The following GABRA3 variants were observed in gnomAD, a reference collection of about 807,000 sequenced individuals.
GABRA3 encodes gamma-aminobutyric acid receptor subunit alpha-3.
Under a neutral mutation model 30.1 loss-of-function variants are expected in GABRA3, and 10 were observed. The ratio of observed to expected loss-of-function variants is 0.33; its 90% CI spans 0.20 to 0.56. The LOEUF is 0.56. GABRA3 is among the 20% of genes least tolerant of loss of function. GABRA3 has a pLI of 0.89. For missense variants in GABRA3, 233 were observed against 392.0 expected, an observed-to-expected ratio of 0.59 and a Z score of 3.42; for synonymous variants, 151 against 146.8, an observed-to-expected ratio of 1.03 and a Z score of -0.21.
chrX:152,214,469 G>C (rs1203177520), intron 6 of GABRA3, among the ~76,000 whole-genome samples: 1 of 111,198 alleles, frequency 9.0e-6, no homozygotes, highest in Admixed American at 9.6e-5. Flanking sequence ...ATGCTGTTTT[G>C]GTTACTATAG....
In GABRA3 at chrX:152,441,011, TAAA is replaced by T. The variant is rs3042367; in HGVS notation, c.-27+10132_-27+10134del. Among the ~76,000 whole-genome samples, 206 of 97,507 alleles carry T rather than the reference TAAA, an allele frequency of 2.1e-3. 2 individuals carry two copies. Among genetic ancestry groups the T allele is most frequent in the African/African-American group, 2.9e-3 (76 of 25,940 alleles). 84.7% of individuals were successfully genotyped at this position (97,507 alleles called of 115,157 possible). A position where few individuals can be genotyped will look rare whatever the true frequency, so the allele number is the denominator to read the frequency against. ...CATGTACCTCAGACTTATAGTATAATAAAAAAAAAAAAAAGAAAAGAAAAAGAA... is the reference window on the plus strand; with the variant it reads ...CATGTACCTCAGACTTATAGTATAATAAAAAAAAAAAGAAAAGAAAAAGAA... On this transcript the variant is annotated intron_variant, in intron 1 of 9. Transcript: ENST00000370314.
intron 9 of GABRA3, among the ~76,000 whole-genome samples, chrX:152,180,563 G>A: frequency 8.9e-6 from 1 of 111,957 alleles, no homozygotes; most frequent in Non-Finnish European, 1.9e-5. Context: ...AATCCCATTT[G>A]TCTATTTGTA....
intron 4 of GABRA3, among the ~76,000 whole-genome samples, chrX:152,280,247 G>A (rs1939175188): frequency 9.0e-6 from 1 of 110,892 alleles, no homozygotes; most frequent in South Asian, 3.8e-4. Flanking sequence ...GAGATTCCTG[G>A]TCATAGACTC....
At chrX:152,290,848 C>G (rs907915915) in intron 3 of GABRA3, among the ~76,000 whole-genome samples, 3 of 111,340 alleles carry the variant, frequency 2.7e-5, no homozygotes, top group East Asian at 5.7e-4. Flanking sequence ...ATTTCTAAGG[C>G]CTCTGTTCTG....
At chrX:152,343,447 C>CAAA (rs201238204) in intron 3 of GABRA3, among the ~76,000 whole-genome samples, 141 of 89,007 alleles carry the variant, frequency 1.6e-3, no homozygotes, top group African/African-American at 4.0e-3. Context: ...ACCTCAAATC[C>CAAA]AAAAAAAAAA....
chrX:152,432,418 T>C (rs925614621), intron 1 of GABRA3, among the ~76,000 whole-genome samples: 1 of 110,248 alleles, frequency 9.1e-6, no homozygotes, highest in African/African-American at 3.3e-5. Flanking sequence ...AAGCAAACTT[T>C]AAAAAAAAAT....
At chrX:152,254,969 T>A (rs1282842458) in intron 5 of GABRA3, among the ~76,000 whole-genome samples, 1 of 111,640 alleles carries the variant, frequency 9.0e-6, no homozygotes, top group South Asian at 3.7e-4. Flanking sequence ...GCACTGAAAA[T>A]TTTTTCAAAT....
At chrX:152,243,024 C>A (rs1469836395) in intron 5 of GABRA3, among the ~76,000 whole-genome samples, 1 of 112,093 alleles carries the variant, frequency 8.9e-6, no homozygotes, top group East Asian at 2.8e-4. Context: ...CAATAAAATA[C>A]TACCTGGCCT....
intron 1 of GABRA3, among the ~76,000 whole-genome samples, chrX:152,439,083 T>G (rs1930851410): frequency 9.1e-6 from 1 of 109,422 alleles, no homozygotes; most frequent in South Asian, 4.0e-4. Flanking sequence ...CTCCGTTGAA[T>G]TTTTTTGTAA....
intron 9 of GABRA3, among the ~76,000 whole-genome samples, chrX:152,173,865 G>A: frequency 9.1e-6 from 1 of 110,176 alleles, no homozygotes; most frequent in Admixed American, 9.7e-5. Context: ...ATGTATACAT[G>A]TGCCATGTTG....
At chrX:152,225,909 TC>T (rs1937942962) in intron 5 of GABRA3, among the ~76,000 whole-genome samples, 2 of 110,377 alleles carry the variant, frequency 1.8e-5, no homozygotes, top group Admixed American at 1.9e-4. Context: ...CGTCACCCAT[TC>T]CCCCAATGGC....
At chrX:152,320,051 A>G (rs1160741570) in intron 3 of GABRA3, among the ~76,000 whole-genome samples, 2 of 110,180 alleles carry the variant, frequency 1.8e-5, no homozygotes, top group Non-Finnish European at 3.8e-5. Context: ...AAGGATGGCC[A>G]TAATCAAAAA....
intron 1 of GABRA3, among the ~76,000 whole-genome samples, chrX:152,419,486 G>A (rs1270723817): frequency 9.0e-6 from 1 of 111,019 alleles, no homozygotes; most frequent in African/African-American, 3.3e-5. Flanking sequence ...TTTTTAAAAT[G>A]GACTTTATGC....
At chrX:152,262,324 C>G (rs189640803) in intron 4 of GABRA3, among the ~76,000 whole-genome samples, 1 of 112,679 alleles carries the variant, frequency 8.9e-6, no homozygotes, top group East Asian at 2.8e-4. Context: ...ATTTCTGCAG[C>G]CAGCCTGAAT....
chrX:152,299,346 G>A (rs1939590306), intron 3 of GABRA3, among the ~76,000 whole-genome samples: 1 of 110,980 alleles, frequency 9.0e-6, no homozygotes, highest in South Asian at 3.8e-4. Flanking sequence ...TAGAAAAAGT[G>A]AAGCTGAACT....
intron 5 of GABRA3, among the ~76,000 whole-genome samples, chrX:152,240,576 A>G (rs910524035): frequency 2.1e-5 from 2 of 93,316 alleles, no homozygotes; most frequent in African/African-American, 9.3e-5. Context: ...CCTGGATAAT[A>G]TCCTGCAGAG....
At chrX:152,319,493 A>G (rs1450270140) in intron 3 of GABRA3, among the ~76,000 whole-genome samples, 3 of 112,092 alleles carry the variant, frequency 2.7e-5, no homozygotes, top group East Asian at 5.6e-4. Context: ...CACTCTATTC[A>G]ACAAATGCTT....
intron 1 of GABRA3, among the ~76,000 whole-genome samples, chrX:152,385,728 C>G (rs1365741625): frequency 9.0e-6 from 1 of 111,563 alleles, no homozygotes; most frequent in Admixed American, 9.5e-5. Flanking sequence ...GGTTTTGGGT[C>G]TAACGTTTAA....
chrX:152,324,503 T>C (rs774924059), intron 3 of GABRA3, among the ~76,000 whole-genome samples: 18 of 112,164 alleles, frequency 1.6e-4, no homozygotes, highest in African/African-American at 4.2e-4. Context: ...ATGTGTCCAT[T>C]ATGCTACATG....
Sources: gnomAD v4.1 joint callset for allele counts (sites outside exome capture counted in the v4.1 genomes callset) on GRCh38, gnomAD v4.1.1 for gene constraint, MANE v1.5 for transcripts, NCBI Gene and HGNC (gene_info 2026-07-23, HGNC 2026-07-21) for gene names.